POFUT4: variants seen among roughly 807,000 people sequenced by gnomAD.
POFUT4 encodes the protein GDP-fucose protein O-fucosyltransferase 4.
the POFUT4 span, among the ~76,000 whole-genome samples, chr10:73,777,703 C>T: frequency 1.4e-3 from 218 of 152,078 alleles, 1 homozygote; most frequent in Admixed American, 2.4e-3. Context: ...TACAGGCGCC[C>T]GTCACCACAT....
At chr10:73,775,459 T>C in the POFUT4 span, 1 of 1,613,840 alleles carries the variant, frequency 6.2e-7, no homozygotes, top group Non-Finnish European at 8.5e-7. Context: ...CTGCTTAAGA[T>C]TTCTTTGGCC....
At chr10:73,772,464 G>A in the POFUT4 span, 1 of 1,555,192 alleles carries the variant, frequency 6.4e-7, no homozygotes. Flanking sequence ...CCGTGGGATG[G>A]CGCGGTTTTC....
At chr10:73,772,397 A>T in the POFUT4 span, 1 of 1,569,840 alleles carries the variant, frequency 6.4e-7, no homozygotes, top group Non-Finnish European at 8.6e-7. Flanking sequence ...CTGTGCAGCC[A>T]GCGGCCATGG....
chr10:73,775,676 A>G, the POFUT4 span: 4 of 1,614,228 alleles, frequency 2.5e-6, no homozygotes, highest in Non-Finnish European at 3.4e-6. Context: ...TGAAGAGGCA[A>G]CATCTCTAAG....
chr10:73,773,441 C>G, the POFUT4 span: 1 of 1,614,224 alleles, frequency 6.2e-7, no homozygotes, highest in Non-Finnish European at 8.5e-7. Context: ...ACAATCACTC[C>G]GTCATCCTGA....
the POFUT4 span, among the ~76,000 whole-genome samples, chr10:73,777,541 T>C: frequency 1.4e-5 from 2 of 146,712 alleles, no homozygotes; most frequent in African/African-American, 5.0e-5. Flanking sequence ...GTATTACTAA[T>C]ACGCTTCCCT....
chr10:73,773,531 C>T, the POFUT4 span: 3 of 1,614,228 alleles, frequency 1.9e-6, no homozygotes, highest in African/African-American at 2.7e-5. Context: ...ATATGAAATA[C>T]CTGGCATACA....
the POFUT4 span, chr10:73,774,694 T>TCACA: frequency 0.097 from 14,497 of 150,180 alleles, 741 homozygotes; most frequent in South Asian, 0.17. Context: ...TAAGACCCTG[T>TCACA]CACACACACA....
the POFUT4 span, chr10:73,774,586 G>C: frequency 6.6e-6 from 1 of 152,122 alleles, no homozygotes; most frequent in East Asian, 1.9e-4. Flanking sequence ...TGTAGTCCTG[G>C]CTACTTGGGA....
At chr10:73,773,740 C>T in the POFUT4 span, 1 of 1,613,828 alleles carries the variant, frequency 6.2e-7, no homozygotes, top group African/African-American at 1.3e-5. Flanking sequence ...CCCCACATTG[C>T]CCAGCCCTCA....
chr10:73,775,951 G>A, the POFUT4 span: 1 of 455,146 alleles, frequency 2.2e-6, no homozygotes, highest in Non-Finnish European at 4.0e-6. Flanking sequence ...TCAAGGTGCT[G>A]GTCCAACAGA....
the POFUT4 span, chr10:73,772,455 C>T: frequency 1.9e-6 from 3 of 1,559,748 alleles, no homozygotes; most frequent in South Asian, 2.4e-5. Flanking sequence ...TGGGCGGAAC[C>T]GTGGGATGGC....
chr10:73,773,550 G>T, the POFUT4 span: 2 of 1,614,254 alleles, frequency 1.2e-6, no homozygotes, highest in Non-Finnish European at 1.7e-6. Flanking sequence ...CAAGCAACCT[G>T]GGGGCATCAC....
chr10:73,778,615 T>C, the POFUT4 span, among the ~76,000 whole-genome samples: 1 of 152,102 alleles, frequency 6.6e-6, no homozygotes, highest in Non-Finnish European at 1.5e-5. Flanking sequence ...TATACCTATA[T>C]CTATATATCT....
chr10:73,777,159 T>G, the POFUT4 span, among the ~76,000 whole-genome samples: 1 of 152,226 alleles, frequency 6.6e-6, no homozygotes, highest in Non-Finnish European at 1.5e-5. Context: ...CCTTGTCAAT[T>G]TAATGTATTG....
chr10:73,773,330 C>T, the POFUT4 span: 3 of 1,614,166 alleles, frequency 1.9e-6, no homozygotes, highest in South Asian at 1.1e-5. Flanking sequence ...TGGAAAATGC[C>T]ATCTGTAACG....
the POFUT4 span, among the ~76,000 whole-genome samples, chr10:73,776,663 CAG>C: frequency 6.6e-6 from 1 of 152,170 alleles, no homozygotes; most frequent in African/African-American, 2.4e-5. Context: ...GCCTGGGTGA[CAG>C]AGCGAGACAC....
the POFUT4 span, chr10:73,772,888 C>T: frequency 9.9e-6 from 16 of 1,611,900 alleles, no homozygotes; most frequent in East Asian, 4.5e-5. Context: ...AGTGGCTGCC[C>T]GGGACCGCCT....
the POFUT4 span, among the ~76,000 whole-genome samples, chr10:73,776,576 G>A: frequency 6.6e-6 from 1 of 152,132 alleles, no homozygotes; most frequent in Admixed American, 6.5e-5. Context: ...AGATACTTGG[G>A]AGGTTGAGGC....
Sources: allele counts gnomAD v4.1 joint callset (sites outside exome capture counted in the v4.1 genomes callset), GRCh38; gene constraint gnomAD v4.1.1; transcripts MANE v1.5; gene names NCBI Gene and HGNC (gene_info 2026-07-23, HGNC 2026-07-21).